The following C8orf34 variants were observed in gnomAD, a reference collection of about 807,000 sequenced individuals.
C8orf34 encodes chromosome 8 open reading frame 34, also known as uncharacterized protein C8orf34.
C8orf34 carries 65 observed loss-of-function variants against 68.3 expected under a neutral mutation model. The observed-to-expected ratio is 0.95, with a 90% CI of 0.78 to 1.17. The LOEUF (loss-of-function observed/expected upper bound fraction) is 1.17, where lower values mean the gene tolerates loss of function less well. Among genes scored for constraint, C8orf34 ranks in the 50% most tolerant of loss-of-function variants. The pLI, the probability that C8orf34 is intolerant of heterozygous loss-of-function variation, is 0.00. For missense variants in C8orf34, 664 were observed against 655.4 expected (o/e 1.01, Z -0.14); for synonymous variants, 244 against 241.2 (o/e 1.01, Z -0.11).
intron 1 of C8orf34, among the ~76,000 whole-genome samples, chr8:68,381,782 A>T (rs982612194): frequency 1.3e-5 from 2 of 149,644 alleles, no homozygotes; most frequent in Admixed American, 6.7e-5. Context: ...TAAATGGCTT[A>T]CAAATTGAGG....
At chr8:68,635,551 A>G (rs1410033401) in intron 7 of C8orf34, among the ~76,000 whole-genome samples, 4 of 152,228 alleles carry the variant, frequency 2.6e-5, no homozygotes, top group Non-Finnish European at 5.9e-5. Context: ...TAATCAACAT[A>G]TTCTTTTTAA....
At chr8:68,599,226 T>C (rs929583577) in intron 7 of C8orf34, among the ~76,000 whole-genome samples, 2 of 152,048 alleles carry the variant, frequency 1.3e-5, no homozygotes, top group Non-Finnish European at 2.9e-5. Flanking sequence ...CTGAGAGATA[T>C]TAAAGAGGAC....
At chr8:68,423,531 T>C (rs746679937) in intron 1 of C8orf34, among the ~76,000 whole-genome samples, 37 of 152,288 alleles carry the variant, frequency 2.4e-4, no homozygotes, top group Non-Finnish European at 1.5e-4. Flanking sequence ...CATCTTCCTA[T>C]CTTCTGAGCC....
chr8:68,463,854 T>C (rs1811974351), intron 3 of C8orf34, among the ~76,000 whole-genome samples: 1 of 152,178 alleles, frequency 6.6e-6, no homozygotes, highest in African/African-American at 2.4e-5. Flanking sequence ...GGGCAAAAAC[T>C]GGAAGCATTC....
At chr8:68,553,384 C>CAAAA (rs553767784) in intron 7 of C8orf34, among the ~76,000 whole-genome samples, 2 of 13,652 alleles carry the variant, frequency 1.5e-4, no homozygotes, top group Non-Finnish European at 3.3e-4. Flanking sequence ...GACTCCATCT[C>CAAAA]AAAAAAAAAA....
At chr8:68,381,976 AC>A (rs1285904147) in intron 1 of C8orf34, among the ~76,000 whole-genome samples, 1 of 152,196 alleles carries the variant, frequency 6.6e-6, no homozygotes, top group Non-Finnish European at 1.5e-5. Flanking sequence ...TATATTTGGT[AC>A]TTAACAAAAT....
At chr8:68,687,223 T>C (rs1014626077) in intron 8 of C8orf34, among the ~76,000 whole-genome samples, 3 of 151,956 alleles carry the variant, frequency 2.0e-5, no homozygotes, top group African/African-American at 7.2e-5. Flanking sequence ...GCAATTCCTA[T>C]TCAAATATAT....
At position 68,815,981 on chromosome 8, in the gene C8orf34, G is replaced by T; in HGVS notation, c.1609+36G>T. ...TCAGGGCACTTAATATCGATGTCGGGTAATGGCGGGTACCTTCTAAAACTG... is the reference window on the plus strand; with the variant it reads ...TCAGGGCACTTAATATCGATGTCGGTTAATGGCGGGTACCTTCTAAAACTG... On this transcript the variant is annotated intron_variant, in intron 13 of 13. Coordinates refer to ENST00000518698, the MANE Select transcript of C8orf34 (RefSeq NM_052958.4). The T allele has an allele frequency of 2.5e-6, 4 of 1,613,354 alleles. No homozygotes were observed. The South Asian group carries it at 4.4e-5, about 18-fold the overall frequency.
chr8:68,383,086 A>G (rs1808111855), intron 1 of C8orf34, among the ~76,000 whole-genome samples: 1 of 152,182 alleles, frequency 6.6e-6, no homozygotes, highest in South Asian at 2.1e-4. Context: ...ATAATGTCAG[A>G]CCAAGAATTA....
chr8:68,427,132 T>C (rs1374468168), intron 1 of C8orf34, among the ~76,000 whole-genome samples: 3 of 152,174 alleles, frequency 2.0e-5, no homozygotes, highest in Non-Finnish European at 4.4e-5. Flanking sequence ...ATTTGGTGGT[T>C]TCTTTTAAAA....
chr8:68,778,987 G>A (rs1023352828), intron 11 of C8orf34, among the ~76,000 whole-genome samples: 1 of 151,688 alleles, frequency 6.6e-6, no homozygotes, highest in Non-Finnish European at 1.5e-5. Context: ...AACCAGCCTG[G>A]GCAACATAGT....
intron 8 of C8orf34, among the ~76,000 whole-genome samples, chr8:68,651,115 C>G (rs1205597422): frequency 6.6e-6 from 1 of 152,148 alleles, no homozygotes; most frequent in African/African-American, 2.4e-5. Flanking sequence ...TATCGAGAGG[C>G]GGATTTCCTT....
chr8:68,693,963 G>A (rs150409206), intron 8 of C8orf34, among the ~76,000 whole-genome samples: 19 of 152,194 alleles, frequency 1.2e-4, no homozygotes, highest in African/African-American at 4.3e-4. Flanking sequence ...ATTGCAATGT[G>A]CCAGTTGCTA....
chr8:68,422,002 C>A (rs1409782938), intron 1 of C8orf34, among the ~76,000 whole-genome samples: 1 of 152,138 alleles, frequency 6.6e-6, no homozygotes, highest in Non-Finnish European at 1.5e-5. Context: ...CAGGAAACCA[C>A]CCCCATGACC....
At chr8:68,622,159 G>T (rs77792411) in intron 7 of C8orf34, among the ~76,000 whole-genome samples, 1 of 152,216 alleles carries the variant, frequency 6.6e-6, no homozygotes, top group African/African-American at 2.4e-5. Flanking sequence ...TTGTGGTGTG[G>T]CCTCCCCAGT....
chr8:68,339,218 A>G (rs1391218943), intron 1 of C8orf34, among the ~76,000 whole-genome samples: 1 of 152,046 alleles, frequency 6.6e-6, no homozygotes, highest in South Asian at 2.1e-4. Flanking sequence ...CATCTTAACA[A>G]CTTTTAGTCT....
intron 3 of C8orf34, among the ~76,000 whole-genome samples, chr8:68,452,885 G>T (rs1228628564): frequency 6.6e-6 from 1 of 151,390 alleles, no homozygotes; most frequent in Admixed American, 6.6e-5. Flanking sequence ...TCTTCTAAGA[G>T]TTATAGTTTA....
intron 7 of C8orf34, among the ~76,000 whole-genome samples, chr8:68,572,740 G>A (rs549745920): frequency 6.6e-6 from 1 of 152,120 alleles, no homozygotes; most frequent in South Asian, 2.1e-4. Flanking sequence ...AGTATGTTTG[G>A]GTTTTATGCC....
chr8:68,679,910 G>T (rs1449081717), intron 8 of C8orf34, among the ~76,000 whole-genome samples: 6 of 152,096 alleles, frequency 3.9e-5, no homozygotes, highest in Non-Finnish European at 8.8e-5. Flanking sequence ...CCTATTTCTT[G>T]CCATATACAA....
Sources: allele counts gnomAD v4.1 joint callset (sites outside exome capture counted in the v4.1 genomes callset), GRCh38; gene constraint gnomAD v4.1.1; transcripts MANE v1.5; gene names NCBI Gene and HGNC (gene_info 2026-07-23, HGNC 2026-07-21).